PLCB1: variants seen among roughly 807,000 people sequenced by gnomAD.
PLCB1 encodes 1-phosphatidylinositol 4,5-bisphosphate phosphodiesterase beta-1.
In PLCB1, 46 loss-of-function variants were observed where a neutral mutation model predicts 161.8. The observed-to-expected ratio is 0.28, with a 90% CI of 0.22 to 0.36. The LOEUF is 0.36. Among genes scored for constraint, PLCB1 ranks in the 10% least tolerant of loss-of-function variants. The pLI, the probability that PLCB1 is intolerant of heterozygous loss-of-function variation, is 1.00. For synonymous variants in PLCB1, 517 were observed against 503.7 expected (o/e 1.03, Z -0.35); for missense variants, 1,016 against 1,472.5 (o/e 0.69, Z 5.07).
chr20:8,185,085 C>T (rs6039076), intron 2 of PLCB1, among the ~76,000 whole-genome samples: 57,967 of 151,656 alleles, frequency 0.38, 12,657 homozygotes, highest in African/African-American at 0.61. Flanking sequence ...AATGATGGTT[C>T]CCAGCTTCAT....
intron 23 of PLCB1, chr20:8,750,749 A>T: frequency 2.4e-6 from 2 of 837,614 alleles, no homozygotes; most frequent in Non-Finnish European, 3.6e-6. Flanking sequence ...GCTCCTCCTT[A>T]AGGGAAAGGC....
chr20:8,638,626 C>G (rs1228066069), intron 4 of PLCB1, among the ~76,000 whole-genome samples: 1 of 152,086 alleles, frequency 6.6e-6, no homozygotes, highest in Non-Finnish European at 1.5e-5. Flanking sequence ...AGAACTAGGA[C>G]GTAGAAGTGA....
intron 3 of PLCB1, among the ~76,000 whole-genome samples, chr20:8,487,203 G>T (rs1982766042): frequency 6.6e-6 from 1 of 152,118 alleles, no homozygotes; most frequent in South Asian, 2.1e-4. Context: ...CTATTCTCAG[G>T]TTATTTTTTC....
At chr20:8,453,445 G>A (rs1480890305) in intron 3 of PLCB1, among the ~76,000 whole-genome samples, 3 of 152,110 alleles carry the variant, frequency 2.0e-5, no homozygotes, top group Non-Finnish European at 4.4e-5. Context: ...TCCTATGATG[G>A]GGCTAATAGT....
In PLCB1 at chr20:8,697,799, G is replaced by GATATGAATA. The variant is rs1990613693; in HGVS notation, c.1167+16_1167+17insATATGAATA. ...ATCTTTCAAGGTAGAGTATATGAAT[G>GATATGAATA]TTACTAAGAGAGGCAGCTGGAGACA... is the stretch of plus-strand genomic sequence containing the variant. On this transcript the variant is annotated intron_variant, in intron 11 of 31. Coordinates refer to ENST00000338037, the MANE Select transcript of PLCB1 (RefSeq NM_015192.4). 1 of 1,611,064 alleles carries GATATGAATA rather than the reference G, an allele frequency of 6.2e-7. No individual in the cohort carries two copies. The highest frequency in any genetic ancestry group is 1.7e-5 in the Admixed American group (1 of 59,912).
At chr20:8,466,879 T>C (rs1981847913) in intron 3 of PLCB1, among the ~76,000 whole-genome samples, 1 of 152,134 alleles carries the variant, frequency 6.6e-6, no homozygotes, top group Admixed American at 6.6e-5. Context: ...ATATCCCCTC[T>C]AGGTAGAGAC....
In PLCB1 at chr20:8,571,991, TA is replaced by T. The variant is rs143294208; in HGVS notation, c.247-56302del. Among the ~76,000 whole-genome samples, 1,506 of 152,282 alleles carry T rather than the reference TA, an allele frequency of 9.9e-3. 29 individuals are homozygous for T. Among genetic ancestry groups the T allele is most frequent in the African/African-American group, 0.035 (1,445 of 41,546 alleles). On this transcript the variant is annotated intron_variant, in intron 3 of 31. Coordinates refer to ENST00000338037, the MANE Select transcript of PLCB1 (RefSeq NM_015192.4). ...CAATCTCTCTCTTGACTGGTAATGG[TA>T]TTTTTTTAAAAATTACTATTTAATG...
chr20:8,674,035 A>C (rs2123369356), intron 9 of PLCB1, among the ~76,000 whole-genome samples: 1 of 152,266 alleles, frequency 6.6e-6, no homozygotes, highest in South Asian at 2.1e-4. Context: ...ACTTGGTATA[A>C]ATACTCCAGC....
chr20:8,650,508 A>G (rs1989288198), intron 7 of PLCB1, among the ~76,000 whole-genome samples: 1 of 152,178 alleles, frequency 6.6e-6, no homozygotes, highest in Non-Finnish European at 1.5e-5. Context: ...CTGCCTATGG[A>G]GTAGCCCTGC....
intron 8 of PLCB1, among the ~76,000 whole-genome samples, chr20:8,658,014 G>A (rs770576306): frequency 6.6e-6 from 1 of 152,110 alleles, no homozygotes; most frequent in Non-Finnish European, 1.5e-5. Flanking sequence ...TTGTACCACT[G>A]AATTTGTCTT....
chr20:8,779,489 G>T (rs1383259079), intron 27 of PLCB1, among the ~76,000 whole-genome samples: 1 of 127,096 alleles, frequency 7.9e-6, no homozygotes, highest in Non-Finnish European at 1.6e-5. Context: ...ACCAAGCTCT[G>T]TAGACTCCAC....
At chr20:8,756,005 T>C (rs1981717567) in intron 23 of PLCB1, among the ~76,000 whole-genome samples, 1 of 152,170 alleles carries the variant, frequency 6.6e-6, no homozygotes, top group Admixed American at 6.6e-5. Context: ...GCAGAGTCTT[T>C]TGTGAGAGTT....
chr20:8,190,482 G>A (rs554786551), intron 2 of PLCB1, among the ~76,000 whole-genome samples: 2 of 152,080 alleles, frequency 1.3e-5, no homozygotes, highest in Admixed American at 6.6e-5. Flanking sequence ...TGTAGTTAGC[G>A]GCTTGATACC....
chr20:8,592,050 A>G (rs1987165727), intron 3 of PLCB1, among the ~76,000 whole-genome samples: 1 of 152,220 alleles, frequency 6.6e-6, no homozygotes, highest in Non-Finnish European at 1.5e-5. Flanking sequence ...TGTAGCCTGA[A>G]GGTAATTTTA....
In PLCB1 at chr20:8,171,964, C is replaced by T. The variant is rs145405893; in HGVS notation, c.177+21593C>T. Among the ~76,000 whole-genome samples the T allele has an allele frequency of 1.8e-3, 276 of 152,100 alleles. 2 individuals carry two copies. Among genetic ancestry groups the T allele is most frequent in the African/African-American group, 4.5e-3 (185 of 41,494 alleles). ...GTGTTCACTTCTCTGGGAACTGTCC[C>T]GTCTGTTGTTGCGTATCATATGTTC... On this transcript the variant is annotated intron_variant, in intron 2 of 31. Coordinates refer to ENST00000338037, the MANE Select transcript of PLCB1 (RefSeq NM_015192.4).
intron 31 of PLCB1, among the ~76,000 whole-genome samples, chr20:8,804,069 A>G (rs1212522243): frequency 6.6e-6 from 1 of 151,938 alleles, no homozygotes; most frequent in Non-Finnish European, 1.5e-5. Context: ...CTGGGATTAC[A>G]CGTGTGAGCC....
At chr20:8,778,175 G>C (rs1983037821) in intron 27 of PLCB1, among the ~76,000 whole-genome samples, 1 of 152,140 alleles carries the variant, frequency 6.6e-6, no homozygotes, top group Admixed American at 6.5e-5. Flanking sequence ...CAGAAGAGAG[G>C]TGGCAGAGTG....
chr20:8,822,190 A>G (rs1985465574), intron 31 of PLCB1, among the ~76,000 whole-genome samples: 1 of 152,182 alleles, frequency 6.6e-6, no homozygotes, highest in South Asian at 2.1e-4. Flanking sequence ...ACTTTATAGA[A>G]TGAGTTAATA....
chr20:8,716,707 G>T (rs1979333611), intron 13 of PLCB1, among the ~76,000 whole-genome samples: 1 of 152,166 alleles, frequency 6.6e-6, no homozygotes, highest in Non-Finnish European at 1.5e-5. Context: ...GGCAAAACAG[G>T]ACACTGCAGG....
Sources: gnomAD v4.1 joint callset for allele counts (sites outside exome capture counted in the v4.1 genomes callset) on GRCh38, gnomAD v4.1.1 for gene constraint, MANE v1.5 for transcripts, NCBI Gene and HGNC (gene_info 2026-07-23, HGNC 2026-07-21) for gene names.